Variants in UNC5D observed in about 807,000 individuals in gnomAD.
UNC5D encodes the protein unc-5 netrin receptor D.
UNC5D carries 39 observed loss-of-function variants against 105.4 expected under a neutral mutation model. The ratio of observed to expected loss-of-function variants is 0.37; its 90% confidence interval spans 0.29 to 0.48. The LOEUF is 0.48. Among genes scored for constraint, UNC5D ranks in the 20% least tolerant of loss-of-function variants. The probability of loss-of-function intolerance (pLI) is 0.98; values close to 1 mark genes in which losing one functional copy is unlikely to be tolerated. For missense variants in UNC5D, 991 were observed against 1,202.4 expected, an observed-to-expected ratio of 0.82 and a Z score of 2.60; for synonymous variants, 452 against 450.4, an observed-to-expected ratio of 1.00 and a Z score of -0.04.
chr8:35,598,026 A>T (rs1866485), intron 4 of UNC5D, among the ~76,000 whole-genome samples: 10 of 151,776 alleles, frequency 6.6e-5, no homozygotes, highest in African/African-American at 2.4e-4. Context: ...AGGGCCTTTG[A>T]ATGTGCTGGC....
intron 11 of UNC5D, among the ~76,000 whole-genome samples, chr8:35,734,167 G>A (rs886263430): frequency 5.9e-5 from 9 of 151,826 alleles, no homozygotes; most frequent in Non-Finnish European, 1.2e-4. Flanking sequence ...CTGACACAAA[G>A]GCCATGGCAT....
chr8:35,778,487 C>A (rs769363306), intron 16 of UNC5D, among the ~76,000 whole-genome samples: 1 of 152,106 alleles, frequency 6.6e-6, no homozygotes, highest in East Asian at 1.9e-4. Flanking sequence ...TTTTAATACA[C>A]AGAAATCTAA....
At chr8:35,259,437 A>G (rs2128819893) in intron 1 of UNC5D, among the ~76,000 whole-genome samples, 1 of 152,186 alleles carries the variant, frequency 6.6e-6, no homozygotes, top group East Asian at 1.9e-4. Flanking sequence ...TTCCATCAGA[A>G]GTAGACGCCA....
At chr8:35,328,279 C>T (rs183473662) in intron 1 of UNC5D, among the ~76,000 whole-genome samples, 99 of 151,962 alleles carry the variant, frequency 6.5e-4, no homozygotes, top group Admixed American at 1.2e-3. Flanking sequence ...TTAATAATCC[C>T]TTCAAAAACT....
At chr8:35,670,726 G>A (rs974063390) in intron 4 of UNC5D, among the ~76,000 whole-genome samples, 3 of 152,076 alleles carry the variant, frequency 2.0e-5, no homozygotes, top group Non-Finnish European at 4.4e-5. Flanking sequence ...GAGGGCAAGG[G>A]GAGGGAGAGC....
In UNC5D at chr8:35,713,651, G is replaced by A. The variant is rs571730374; in HGVS notation, c.1117+7690G>A. 1.2e-4 allele frequency among the ~76,000 whole-genome samples: 18 copies of A among 152,302 alleles called. No homozygotes were observed. The East Asian group carries it at 3.5e-3, about 29-fold the overall frequency. On this transcript the variant is annotated intron_variant, in intron 8 of 16. Transcript: ENST00000404895. ...CAATCTGGCTAGCTTACTAAAAGGA[G>A]CTGTAAACATGTCTGAATGGGCACT...
At chr8:35,407,358 A>C (rs2128955301) in intron 1 of UNC5D, among the ~76,000 whole-genome samples, 1 of 152,134 alleles carries the variant, frequency 6.6e-6, no homozygotes, top group Admixed American at 6.5e-5. Flanking sequence ...AAAAAAAAAC[A>C]CTTGATAGTA....
intron 4 of UNC5D, among the ~76,000 whole-genome samples, chr8:35,624,841 C>T (rs545020941): frequency 6.6e-6 from 1 of 152,320 alleles, no homozygotes; most frequent in African/African-American, 2.4e-5. Flanking sequence ...TCTCCACAGT[C>T]AGCCAGCTGC....
At chr8:35,358,901 G>A (rs1374001961) in intron 1 of UNC5D, among the ~76,000 whole-genome samples, 2 of 152,122 alleles carry the variant, frequency 1.3e-5, no homozygotes, top group Non-Finnish European at 2.9e-5. Context: ...ATTGGCACTG[G>A]GTTTTTATAT....
intron 1 of UNC5D, among the ~76,000 whole-genome samples, chr8:35,308,975 C>A (rs188972580): frequency 6.6e-6 from 1 of 151,994 alleles, no homozygotes; most frequent in Non-Finnish European, 1.5e-5. Flanking sequence ...GAGGAGAGAG[C>A]CCGGCTGGCT....
chr8:35,302,534 G>A (rs1808036185), intron 1 of UNC5D, among the ~76,000 whole-genome samples: 1 of 152,178 alleles, frequency 6.6e-6, no homozygotes. Flanking sequence ...TAAGGGTTGG[G>A]TTGTGCACGC....
chr8:35,724,621 T>A (rs950227397), intron 9 of UNC5D, among the ~76,000 whole-genome samples: 1 of 152,188 alleles, frequency 6.6e-6, no homozygotes, highest in Non-Finnish European at 1.5e-5. Flanking sequence ...TCAAGTGCTG[T>A]CTCACTCTAG....
At chr8:35,460,700 G>T (rs1808823941) in intron 1 of UNC5D, among the ~76,000 whole-genome samples, 1 of 152,214 alleles carries the variant, frequency 6.6e-6, no homozygotes, top group South Asian at 2.1e-4. Context: ...TGAAGCCTTT[G>T]CACGCATGTT....
At chr8:35,629,408 T>C (rs1039863402) in intron 4 of UNC5D, among the ~76,000 whole-genome samples, 1 of 152,166 alleles carries the variant, frequency 6.6e-6, no homozygotes, top group Admixed American at 6.5e-5. Context: ...CTTGTTGAGT[T>C]GCATCTCAAG....
In UNC5D at chr8:35,310,476, CG is replaced by C. The variant is rs1808790301; in HGVS notation, c.103+74592del. On this transcript the variant is annotated intron_variant, in intron 1 of 16. Coordinates refer to ENST00000404895, the MANE Select transcript of UNC5D (RefSeq NM_080872.4). Reference sequence around the variant, plus strand: ...CTCTAATAAAAATTCAAAAATCTGCCGGGTGTGGTAACGCATCCCTGTAATC... The same window carrying C: ...CTCTAATAAAAATTCAAAAATCTGCCGGTGTGGTAACGCATCCCTGTAATC... Among the ~76,000 whole-genome samples the C allele has an allele frequency of 5.9e-5, 9 of 152,052 alleles. No individual in the cohort carries two copies. The South Asian group carries it at 1.9e-3, about 32-fold the overall frequency.
chr8:35,237,179 G>GTT lies in UNC5D; in HGVS notation c.103+1318_103+1319dup, dbSNP rs3073013. ...CCATTTGCATTTCATTTCCTGAAAA[G>GTT]TTTTTTTTTTTTTTTTTTTTTTTTT... is the stretch of plus-strand genomic sequence containing the variant. On this transcript the variant is annotated intron_variant, in intron 1 of 16. Coordinates refer to ENST00000404895, the MANE Select transcript of UNC5D (RefSeq NM_080872.4). 9.2e-3 allele frequency among the ~76,000 whole-genome samples: 568 copies of GTT among 61,782 alleles called. 26 individuals carry two copies. Among genetic ancestry groups the GTT allele is most frequent in the African/African-American group, 0.02 (302 of 15,450 alleles). The allele number at this position is 61,782 out of a possible 152,430, so 40.5% of individuals were successfully genotyped here.
At chr8:35,551,005 T>C (rs1003708344) in intron 2 of UNC5D, among the ~76,000 whole-genome samples, 1 of 152,208 alleles carries the variant, frequency 6.6e-6, no homozygotes, top group Non-Finnish European at 1.5e-5. Context: ...ATCAATGGCA[T>C]GAAAGGCCTC....
At chr8:35,569,287 G>A (rs1288064596) in intron 3 of UNC5D, among the ~76,000 whole-genome samples, 13 of 152,102 alleles carry the variant, frequency 8.5e-5, no homozygotes, top group Non-Finnish European at 2.9e-5. Context: ...GCCTGGGATG[G>A]TAAAATCACC....
At chr8:35,270,500 A>G (rs1249129333) in intron 1 of UNC5D, among the ~76,000 whole-genome samples, 1 of 152,188 alleles carries the variant, frequency 6.6e-6, no homozygotes, top group Non-Finnish European at 1.5e-5. Flanking sequence ...CTAGTTACCC[A>G]GCTTCTGCCT....
Sources: allele counts gnomAD v4.1 joint callset (sites outside exome capture counted in the v4.1 genomes callset), GRCh38; gene constraint gnomAD v4.1.1; transcripts MANE v1.5; gene names NCBI Gene and HGNC (gene_info 2026-07-23, HGNC 2026-07-21).